The following MID2 variants were observed in gnomAD, a reference collection of about 807,000 sequenced individuals.
The protein encoded by MID2 is midline 2.
MID2 carries 13 observed loss-of-function variants against 46.1 expected under a neutral mutation model. The ratio of observed to expected loss-of-function variants is 0.28; its 90% confidence interval spans 0.18 to 0.45. The LOEUF (loss-of-function observed/expected upper bound fraction) is 0.45. Among genes scored for constraint, MID2 ranks in the 20% least tolerant of loss-of-function variants. The probability of loss-of-function intolerance (pLI) is 1.00; values close to 1 mark genes in which losing one functional copy is unlikely to be tolerated. For missense variants in MID2, 431 were observed against 575.4 expected, an observed-to-expected ratio of 0.75 and a Z score of 2.57; for synonymous variants, 199 against 212.3, an observed-to-expected ratio of 0.94 and a Z score of 0.55.
intron 2 of MID2, among the ~76,000 whole-genome samples, chrX:107,843,377 G>T (rs1931390132): frequency 8.9e-6 from 1 of 112,052 alleles, no homozygotes; most frequent in Non-Finnish European, 1.9e-5. Flanking sequence ...GCATCATGAA[G>T]CTATAGCCCT....
chrX:107,898,841 C>T (rs936491249), intron 3 of MID2, among the ~76,000 whole-genome samples: 2 of 112,122 alleles, frequency 1.8e-5, no homozygotes, highest in African/African-American at 3.2e-5. Flanking sequence ...ACTAGGCTGG[C>T]ATTTACTGTG....
intron 4 of MID2, among the ~76,000 whole-genome samples, chrX:107,904,394 C>T (rs1932819279): frequency 9.0e-6 from 1 of 111,620 alleles, no homozygotes; most frequent in Non-Finnish European, 1.9e-5. Flanking sequence ...AAATGTGAGT[C>T]AGGATTATGG....
intron 2 of MID2, among the ~76,000 whole-genome samples, chrX:107,854,368 G>T (rs1477532125): frequency 8.9e-6 from 1 of 112,316 alleles, no homozygotes; most frequent in Non-Finnish European, 1.9e-5. Flanking sequence ...TTTCTTTAAT[G>T]TCAATAAATT....
intron 2 of MID2, among the ~76,000 whole-genome samples, chrX:107,843,400 T>C (rs1931390721): frequency 8.9e-6 from 1 of 112,352 alleles, no homozygotes; most frequent in Admixed American, 9.4e-5. Flanking sequence ...TCTCCAGGGA[T>C]GGATGGAACA....
At chrX:107,906,506 C>G (rs1339446565) in intron 5 of MID2, among the ~76,000 whole-genome samples, 2 of 112,536 alleles carry the variant, frequency 1.8e-5, no homozygotes, top group African/African-American at 6.5e-5. Flanking sequence ...TTCACCATCA[C>G]TCAGAATTGC....
chrX:107,871,311 C>A (rs2147843079), intron 3 of MID2, among the ~76,000 whole-genome samples: 1 of 111,691 alleles, frequency 9.0e-6, no homozygotes, highest in African/African-American at 3.3e-5. Flanking sequence ...ACTTGCTTGG[C>A]CCCACCGTGT....
At position 107,841,203 on chromosome X, in the gene MID2, C is replaced by T. The variant is rs1292953974; in HGVS notation, c.538C>T (p.Arg180Cys). ...HPNKKPFTSHRLVEPVPDTHL... is the reference protein window; with the variant it reads ...HPNKKPFTSHCLVEPVPDTHL... ...CAACAAGAAACCTTTCACCAGCCAC[C>T]GCCTGGTGGAACCAGTGCCAGACAC... The change falls in exon 2 of 10, where the codon CGC becomes TGC. Residue 180 changes from arginine (R) to cysteine (C), a missense_variant. By Grantham distance (180) the Arg-to-Cys change is radical. Coordinates refer to ENST00000262843, the MANE Select transcript of MID2 (RefSeq NM_012216.4). 14 of 1,209,694 alleles carry T rather than the reference C, an allele frequency of 1.2e-5. No individual in the cohort carries two copies. Among genetic ancestry groups the T allele is most frequent in the East Asian group, 3.0e-5 (1 of 33,751 alleles).
At chrX:107,868,789 G>C (rs1312472914) in intron 3 of MID2, among the ~76,000 whole-genome samples, 1 of 110,674 alleles carries the variant, frequency 9.0e-6, no homozygotes, top group East Asian at 2.8e-4. Context: ...GAAACTTTGA[G>C]AGCCTGCTTG....
chrX:107,902,551 T>A (rs1048989432), intron 3 of MID2, among the ~76,000 whole-genome samples: 4 of 111,358 alleles, frequency 3.6e-5, no homozygotes, highest in African/African-American at 1.3e-4. Context: ...AGTTGTGACA[T>A]TGCCCTAGAA....
chrX:107,883,247 T>G (rs771347184), intron 3 of MID2, among the ~76,000 whole-genome samples: 2 of 111,203 alleles, frequency 1.8e-5, no homozygotes, highest in East Asian at 5.6e-4. Flanking sequence ...AAATGCCTAA[T>G]GTAGGTGACG....
intron 7 of MID2, among the ~76,000 whole-genome samples, chrX:107,922,729 A>G (rs1458567620): frequency 8.9e-6 from 1 of 111,961 alleles, no homozygotes; most frequent in Non-Finnish European, 1.9e-5. Flanking sequence ...CTACATATAC[A>G]TATATACTTT....
chrX:107,926,641 T>C, intron 9 of MID2, 30 bp from the exon 10 acceptor site: 1 of 1,171,638 alleles, frequency 8.5e-7, no homozygotes, highest in Non-Finnish European at 1.2e-6. Context: ...CATAAATGTT[T>C]ATTTCTCTCT....
chrX:107,910,955 G>C (rs1057207121), intron 5 of MID2, among the ~76,000 whole-genome samples: 1 of 100,251 alleles, frequency 1.0e-5, no homozygotes, highest in Admixed American at 1.1e-4. Flanking sequence ...CCAGATTCAA[G>C]TGATTCTTCT....
chrX:107,873,892 A>G (rs1932133075), intron 3 of MID2, among the ~76,000 whole-genome samples: 1 of 112,083 alleles, frequency 8.9e-6, no homozygotes, highest in African/African-American at 3.2e-5. Flanking sequence ...TGGCATGGGC[A>G]CAGAGGACTA....
At chrX:107,848,579 G>A (rs1001762244) in intron 2 of MID2, among the ~76,000 whole-genome samples, 1 of 111,268 alleles carries the variant, frequency 9.0e-6, no homozygotes, top group Non-Finnish European at 1.9e-5. Context: ...TGAGGGTCAG[G>A]TTATTCTTTA....
chrX:107,834,491 T>C (rs1377064082), intron 1 of MID2, among the ~76,000 whole-genome samples: 2 of 112,529 alleles, frequency 1.8e-5, no homozygotes, highest in African/African-American at 6.5e-5. Flanking sequence ...TAACTCTGTA[T>C]AGATTAGTGA....
At chrX:107,837,818 A>G (rs1246406053) in intron 1 of MID2, among the ~76,000 whole-genome samples, 1 of 112,025 alleles carries the variant, frequency 8.9e-6, no homozygotes, top group Non-Finnish European at 1.9e-5. Flanking sequence ...AAGTTTCCTG[A>G]AAGAATTAGT....
At chrX:107,872,641 G>GA (rs1162631028) in intron 3 of MID2, among the ~76,000 whole-genome samples, 4 of 111,728 alleles carry the variant, frequency 3.6e-5, no homozygotes, top group Non-Finnish European at 7.5e-5. Flanking sequence ...AGAGTAGAAA[G>GA]AAGTATAATC....
At chrX:107,910,837 C>CCTTTCCTTT (rs1932885318) in intron 5 of MID2, among the ~76,000 whole-genome samples, 2 of 51,013 alleles carry the variant, frequency 3.9e-5, no homozygotes, top group African/African-American at 2.2e-4. Context: ...CCTTTCCTTT[C>CCTTTCCTTT]CCTCTCTCTT....
Sources: gnomAD v4.1 joint callset for allele counts (sites outside exome capture counted in the v4.1 genomes callset) on GRCh38, gnomAD v4.1.1 for gene constraint, MANE v1.5 for transcripts, NCBI Gene and HGNC (gene_info 2026-07-23, HGNC 2026-07-21) for gene names.